COL22A1: variants seen among roughly 807,000 people sequenced by gnomAD.
The protein encoded by COL22A1 is collagen type XXII alpha 1 chain.
In COL22A1, 221 loss-of-function variants were observed where a neutral mutation model predicts 248.9. The ratio of observed to expected loss-of-function variants is 0.89; its 90% CI spans 0.80 to 0.99. COL22A1 has a LOEUF of 0.99. COL22A1 is among the 50% of genes least tolerant of loss of function. COL22A1 has a pLI of 0.00. For missense variants in COL22A1, 2,240 were observed against 2,179.0 expected, an observed-to-expected ratio of 1.03 and a Z score of -0.56; for synonymous variants, 891 against 793.4, an observed-to-expected ratio of 1.12 and a Z score of -2.07.
At chr8:138,708,017 G>A (rs1376592229) in intron 30 of COL22A1, among the ~76,000 whole-genome samples, 1 of 152,082 alleles carries the variant, frequency 6.6e-6, no homozygotes, top group Admixed American at 6.5e-5. Context: ...GCCAAATCAC[G>A]AGTGAACTCC....
intron 56 of COL22A1, among the ~76,000 whole-genome samples, chr8:138,609,188 A>G (rs1818663468): frequency 6.6e-6 from 1 of 152,222 alleles, no homozygotes; most frequent in Non-Finnish European, 1.5e-5. Flanking sequence ...CATTGCTCAC[A>G]TCAGACACAA....
At chr8:138,877,553 C>A (rs1404914276) in intron 3 of COL22A1, among the ~76,000 whole-genome samples, 197 bp downstream of exon 3, 1 of 152,166 alleles carries the variant, frequency 6.6e-6, no homozygotes, top group African/African-American at 2.4e-5. Flanking sequence ...ACAGGAATGT[C>A]CAGGGGGTGC....
At chr8:138,761,459 G>A (rs1833481615) in intron 17 of COL22A1, among the ~76,000 whole-genome samples, 1 of 152,082 alleles carries the variant, frequency 6.6e-6, no homozygotes, top group Admixed American at 6.5e-5. Flanking sequence ...ATTCCAATGT[G>A]TTACCTGACA....
Position 138,883,136 on chromosome 8 carries a change from G to A in COL22A1, c.37C>T (p.Leu13Phe). ...CCACTCCACAGCAGCAGCATCCAGA[G>A]GAGGCCAGCCACAGCGTTCCCTCGG... ...GLRGNAVAGL[L>F]WMLLLWSGGG... Residue 13 changes from leucine (L) to phenylalanine (F), a missense_variant, in exon 2 of 65, where the codon CTC becomes TTC. Physicochemically the swap from Leu to Phe is conservative, Grantham distance 22 (BLOSUM62 0). Coordinates refer to ENST00000303045, the MANE Select transcript of COL22A1 (RefSeq NM_152888.3). 1 of 1,598,668 alleles carries A rather than the reference G, an allele frequency of 6.3e-7. No individual in the cohort carries two copies. The highest frequency in any genetic ancestry group is 1.1e-5 in the South Asian group (1 of 88,350).
intron 16 of COL22A1, among the ~76,000 whole-genome samples, chr8:138,764,418 C>A (rs550712047): frequency 1.6e-3 from 239 of 152,312 alleles, no homozygotes; most frequent in African/African-American, 5.3e-3. Flanking sequence ...GGCTGCCTGA[C>A]TCTGCGTCTC....
intron 3 of COL22A1, among the ~76,000 whole-genome samples, chr8:138,870,839 G>T (rs1399909688): frequency 6.6e-6 from 1 of 151,740 alleles, no homozygotes; most frequent in African/African-American, 2.4e-5. Flanking sequence ...GTGTGAGTGG[G>T]TGTGTATGTG....
intron 40 of COL22A1, among the ~76,000 whole-genome samples, chr8:138,678,505 G>C (rs1825733300): frequency 1.3e-5 from 2 of 152,014 alleles, no homozygotes; most frequent in South Asian, 4.2e-4. Context: ...AATGGTTCTT[G>C]GAAGTTCAAG....
intron 12 of COL22A1, among the ~76,000 whole-genome samples, chr8:138,790,062 T>C (rs1051299500): frequency 2.0e-5 from 3 of 152,174 alleles, no homozygotes; most frequent in African/African-American, 7.2e-5. Context: ...AAATATCTCA[T>C]AGTAGCAGAA....
chr8:138,703,203 T>G, intron 31 of COL22A1, 103 bp downstream of exon 31: 2 of 1,050,632 alleles, frequency 1.9e-6, no homozygotes, highest in South Asian at 2.6e-5. Flanking sequence ...CAAACTCCAA[T>G]AGGGGAGATA....
intron 7 of COL22A1, among the ~76,000 whole-genome samples, chr8:138,817,206 G>T (rs1388670819): frequency 3.3e-5 from 5 of 152,212 alleles, no homozygotes; most frequent in African/African-American, 4.8e-5. Flanking sequence ...TGGAAAGTGA[G>T]TTAGGGAAAG....
chr8:138,795,190 CAGG>C (rs1489252679), intron 12 of COL22A1, among the ~76,000 whole-genome samples: 1 of 152,222 alleles, frequency 6.6e-6, no homozygotes, highest in Admixed American at 6.5e-5. Context: ...TGGAAAGCGG[CAGG>C]AGATTTTTAG....
In COL22A1 at chr8:138,685,304, C is replaced by T. The variant is rs776883280; in HGVS notation, c.2871G>A (p.Ala957=). 4.8e-5 allele frequency: 77 copies of T among 1,613,478 alleles called. No homozygotes were observed. Among genetic ancestry groups the T allele is most frequent in the East Asian group, 6.7e-5 (3 of 44,838 alleles). Residue 957 remains alanine, a synonymous_variant, in exon 38 of 65, where the codon GCG becomes GCA. Transcript: ENST00000303045. ...CTGGCCCTGGGCTGCCTTCTTCCCC[C>T]GCTGCACCCTGGAAAGAAAAGTAGA... is the stretch of plus-strand genomic sequence containing the variant. ...KDGERGEKGA[A]GEEGSPGPVG...
intron 52 of COL22A1, among the ~76,000 whole-genome samples, chr8:138,619,729 C>T (rs1587690650): frequency 6.6e-6 from 1 of 152,246 alleles, no homozygotes; most frequent in Non-Finnish European, 1.5e-5. Flanking sequence ...GCTGGTTACA[C>T]AGGTTGCATC....
intron 22 of COL22A1, among the ~76,000 whole-genome samples, chr8:138,740,620 G>T (rs1252047161): frequency 6.6e-6 from 1 of 152,182 alleles, no homozygotes; most frequent in Non-Finnish European, 1.5e-5. Flanking sequence ...TGGAAGAGCA[G>T]ATGTATGGGC....
chr8:138,685,314 T>C lies in COL22A1; in HGVS notation c.2863-2A>G. ...GCTGCCTTCTTCCCCCGCTGCACCC[T>C]GGAAAGAAAAGTAGACATTTCCCAG... On this transcript the variant is annotated splice_acceptor_variant, in intron 37 of 64. Transcript: ENST00000303045. LOFTEE classifies it high-confidence loss of function. 4 of 1,612,536 alleles carry C rather than the reference T, an allele frequency of 2.5e-6. No individual in the cohort carries two copies. The highest frequency in any genetic ancestry group is 3.4e-6 in the Non-Finnish European group (4 of 1,179,032).
chr8:138,705,025 G>T (rs1233869611), intron 30 of COL22A1, among the ~76,000 whole-genome samples: 1 of 152,110 alleles, frequency 6.6e-6, no homozygotes, highest in South Asian at 2.1e-4. Flanking sequence ...GGAAGAAAGG[G>T]TATCAATGAT....
rs977873712 is a variant in COL22A1, at chr8:138,626,250, G to C, written c.3664-7C>G. The C allele has an allele frequency of 2.5e-6, 4 of 1,607,336 alleles. No individual in the cohort carries two copies. The highest frequency in any genetic ancestry group is 2.5e-6 in the Non-Finnish European group (3 of 1,176,718). ...CAGGAGGGCCTTCTTTCCCCTAAAA[G>C]ATCCAAGACATAAAAACACCATGAA... On this transcript the variant is annotated splice_polypyrimidine_tract_variant and splice_region_variant and intron_variant, in intron 50 of 64. Transcript: ENST00000303045.
intron 12 of COL22A1, among the ~76,000 whole-genome samples, chr8:138,788,863 G>A (rs1376657416): frequency 2.0e-5 from 3 of 152,150 alleles, no homozygotes; most frequent in Non-Finnish European, 1.5e-5. Context: ...ACCCTCCGAG[G>A]CAAGTATTAT....
intron 56 of COL22A1, among the ~76,000 whole-genome samples, chr8:138,610,647 G>A (rs796417679): frequency 3.3e-5 from 5 of 152,284 alleles, no homozygotes; most frequent in African/African-American, 1.2e-4. Context: ...GGCCTCTGGG[G>A]GCCTTGGGAT....
Sources: allele counts gnomAD v4.1 joint callset (sites outside exome capture counted in the v4.1 genomes callset), GRCh38; gene constraint gnomAD v4.1.1; transcripts MANE v1.5; gene names NCBI Gene and HGNC (gene_info 2026-07-23, HGNC 2026-07-21).